SGCG: variants seen among roughly 807,000 people sequenced by gnomAD.
The protein encoded by SGCG is sarcoglycan gamma, also known as gamma-sarcoglycan.
In SGCG, 26 loss-of-function variants were observed where a neutral mutation model predicts 29.3. The observed-to-expected ratio is 0.89, with a 90% CI of 0.65 to 1.23. SGCG has a LOEUF of 1.23. Ranked by LOEUF, SGCG falls within the 50% of genes most tolerant of loss-of-function variation. SGCG has a pLI of 0.00. For missense variants in SGCG, 353 were observed against 356.0 expected (o/e 0.99, Z 0.07); for synonymous variants, 145 against 129.7 (o/e 1.12, Z -0.80).
intron 1 of SGCG, among the ~76,000 whole-genome samples, chr13:23,190,319 G>A (rs545797006): frequency 6.6e-6 from 1 of 152,218 alleles, no homozygotes; most frequent in East Asian, 1.9e-4. Flanking sequence ...ACTTTGTCAA[G>A]ATGGATGTAG....
chr13:23,223,755 C>T (rs1303035773), intron 2 of SGCG, among the ~76,000 whole-genome samples: 3 of 152,082 alleles, frequency 2.0e-5, no homozygotes, highest in African/African-American at 7.2e-5. Flanking sequence ...ATCATGAGGT[C>T]AGGAGTTTGA....
chr13:23,189,032 G>A (rs1007650023), intron 1 of SGCG, among the ~76,000 whole-genome samples: 1 of 152,224 alleles, frequency 6.6e-6, no homozygotes, highest in Non-Finnish European at 1.5e-5. Context: ...CTTCAAGAGA[G>A]GCACTAATCT....
At chr13:23,179,215 A>G (rs772294668), upstream of SGCG, among the ~76,000 whole-genome samples, 4 of 152,332 alleles carry the variant, frequency 2.6e-5, no homozygotes, top group Non-Finnish European at 4.4e-5. Context: ...TACAAACTTA[A>G]GCTGCCTACA....
intron 1 of SGCG, among the ~76,000 whole-genome samples, chr13:23,203,463 C>A (rs965434895): frequency 3.9e-5 from 6 of 152,236 alleles, no homozygotes; most frequent in African/African-American, 1.4e-4. Flanking sequence ...AAACGTTTAT[C>A]ATATATAAAA....
intron 6 of SGCG, among the ~76,000 whole-genome samples, chr13:23,301,615 G>A (rs543695525): frequency 2.6e-5 from 4 of 152,268 alleles, no homozygotes; most frequent in East Asian, 1.9e-4. Flanking sequence ...GGTCCGGCGC[G>A]GTGGCTCACG....
At chr13:23,169,243 G>C in the SGCG span, among the ~76,000 whole-genome samples, 1 of 151,716 alleles carries the variant, frequency 6.6e-6, no homozygotes, top group Non-Finnish European at 1.5e-5. Flanking sequence ...CTGTAAGTTC[G>C]GTTTGCATGA....
At chr13:23,218,905 CAATATA>C (rs1462351135) in intron 2 of SGCG, among the ~76,000 whole-genome samples, 1 of 145,660 alleles carries the variant, frequency 6.9e-6, no homozygotes, top group East Asian at 2.1e-4. Context: ...GCCAAAATAA[CAATATA>C]AATATATATA....
intron 4 of SGCG, among the ~76,000 whole-genome samples, chr13:23,253,944 C>T (rs1411832892): frequency 6.6e-6 from 1 of 152,212 alleles, no homozygotes; most frequent in Non-Finnish European, 1.5e-5. Context: ...CTGAGGCCCT[C>T]ACTAGAAGCA....
chr13:23,264,514 A>G (rs947767505), intron 4 of SGCG, among the ~76,000 whole-genome samples: 2 of 152,212 alleles, frequency 1.3e-5, no homozygotes, highest in Admixed American at 1.3e-4. Flanking sequence ...AAAGCAGTCT[A>G]CAAATTCAAT....
At chr13:23,187,256 G>T (rs1877017370) in intron 1 of SGCG, among the ~76,000 whole-genome samples, 1 of 152,138 alleles carries the variant, frequency 6.6e-6, no homozygotes, top group African/African-American at 2.4e-5. Context: ...CGGCTTGGAG[G>T]CTGTTAACGT....
intron 4 of SGCG, among the ~76,000 whole-genome samples, chr13:23,256,861 T>C (rs1196247717): frequency 2.6e-5 from 4 of 152,192 alleles, no homozygotes; most frequent in African/African-American, 9.7e-5. Context: ...GTCTTTGTAG[T>C]AGCATGACTT....
chr13:23,236,002 G>A (rs1380845603), intron 3 of SGCG, among the ~76,000 whole-genome samples: 3 of 152,176 alleles, frequency 2.0e-5, no homozygotes, highest in Admixed American at 1.3e-4. Context: ...TAAGTGAAAA[G>A]TACATAAGTA....
At chr13:23,173,403 T>C in the SGCG span, among the ~76,000 whole-genome samples, 1 of 152,160 alleles carries the variant, frequency 6.6e-6, no homozygotes, top group Non-Finnish European at 1.5e-5. Context: ...AGTCCAGGAA[T>C]GTTACTATAA....
chr13:23,252,507 C>T (rs1880007573), intron 4 of SGCG, among the ~76,000 whole-genome samples: 1 of 151,938 alleles, frequency 6.6e-6, no homozygotes. Context: ...CTGGCTAACA[C>T]AGTGAAACCA....
chr13:23,219,025 AT>A (rs1481928114), intron 2 of SGCG, among the ~76,000 whole-genome samples: 1 of 149,404 alleles, frequency 6.7e-6, no homozygotes, highest in Non-Finnish European at 1.5e-5. Context: ...CATATATAAT[AT>A]TTATATGCTA....
At chr13:23,310,253 A>AT (rs1264159025) in intron 6 of SGCG, among the ~76,000 whole-genome samples, 2 of 151,342 alleles carry the variant, frequency 1.3e-5, no homozygotes, top group Admixed American at 1.3e-4. Context: ...CACCCGGGTA[A>AT]TTTTTTGTAT....
At chr13:23,213,193 CAG>C (rs1436144470) in intron 2 of SGCG, among the ~76,000 whole-genome samples, 1 of 152,120 alleles carries the variant, frequency 6.6e-6, no homozygotes, top group African/African-American at 2.4e-5. Context: ...GAAAAGACAA[CAG>C]GGGGCGTGGT....
intron 2 of SGCG, among the ~76,000 whole-genome samples, chr13:23,221,398 A>G (rs937685581): frequency 3.3e-5 from 5 of 152,206 alleles, no homozygotes; most frequent in African/African-American, 4.8e-5. Context: ...TTATCATCTT[A>G]GGCCTGTGAA....
intron 6 of SGCG, among the ~76,000 whole-genome samples, chr13:23,302,709 A>T (rs1391467205): frequency 4.6e-5 from 7 of 152,194 alleles, no homozygotes; most frequent in Non-Finnish European, 8.8e-5. Flanking sequence ...TAGTAACAAA[A>T]AGTAAAATTG....
Sources: gnomAD v4.1 joint callset for allele counts (sites outside exome capture counted in the v4.1 genomes callset) on GRCh38, gnomAD v4.1.1 for gene constraint, MANE v1.5 for transcripts, NCBI Gene and HGNC (gene_info 2026-07-23, HGNC 2026-07-21) for gene names.